Variants in CDH5 observed in about 807,000 individuals in gnomAD.
The protein encoded by CDH5 is cadherin 5.
A neutral mutation model predicts 62.0 loss-of-function variants in CDH5; 28 were observed. The ratio of observed to expected loss-of-function variants is 0.45; its 90% CI spans 0.33 to 0.62. The LOEUF (loss-of-function observed/expected upper bound fraction) is 0.62. Ranked by LOEUF, CDH5 falls within the 20% of genes least tolerant of loss-of-function variation. CDH5 has a pLI of 0.02. For synonymous variants in CDH5, 464 were observed against 445.8 expected, an observed-to-expected ratio of 1.04 and a Z score of -0.52; for missense variants, 940 against 1,065.1, an observed-to-expected ratio of 0.88 and a Z score of 1.63.
rs1194824711 is a variant in CDH5, at chr16:66,402,696, G to A, written c.1882G>A (p.Ala628Thr). ...IFLRRRLRKQARAHGKSVPEI... is the reference protein window; with the variant it reads ...IFLRRRLRKQTRAHGKSVPEI... ...CCTGCGGCGGCGGCTCCGGAAGCAGGCCCGCGCGCACGGCAAGAGCGTGCC... is the reference window on the plus strand; with the variant it reads ...CCTGCGGCGGCGGCTCCGGAAGCAGACCCGCGCGCACGGCAAGAGCGTGCC... The change falls in exon 12 of 12, where the codon GCC (alanine) becomes ACC (threonine). Residue 628 changes from alanine to threonine, a missense_variant. Transcript: ENST00000341529. 3 of 1,608,164 alleles carry A rather than the reference G, an allele frequency of 1.9e-6. No individual in the cohort carries two copies. The highest frequency in any genetic ancestry group is 2.5e-6 in the Non-Finnish European group (3 of 1,178,694).
At position 66,397,128 on chromosome 16, in the gene CDH5, A is replaced by G. The variant is rs932112416; in HGVS notation, c.1361-854A>G. Among the ~76,000 whole-genome samples the G allele has an allele frequency of 4.6e-5, 7 of 152,338 alleles. No homozygotes were observed. In the South Asian group the frequency reaches 1.4e-3, roughly 32 times the overall value. On this transcript the variant is annotated intron_variant, in intron 8 of 11. Coordinates refer to ENST00000341529, the MANE Select transcript of CDH5 (RefSeq NM_001795.5). ...TTTTTATACATATTTTTATACTTACATGAGATTGTAATGTTTGTGTAAGAT... is the reference window on the plus strand; with the variant it reads ...TTTTTATACATATTTTTATACTTACGTGAGATTGTAATGTTTGTGTAAGAT...
At chr16:66,377,762 ATAGAGT>A (rs1960811172) in intron 1 of CDH5, 1 of 152,138 alleles carries the variant, frequency 6.6e-6, no homozygotes, top group African/African-American at 2.4e-5. Flanking sequence ...GGGTGGAGAG[ATAGAGT>A]CAGGGCTGAG....
At chr16:66,388,191 A>C in intron 3 of CDH5, 133 bp from the exon 4 acceptor site, 2 of 648,604 alleles carry the variant, frequency 3.1e-6, no homozygotes, top group Non-Finnish European at 2.7e-6. Context: ...CAGAAAACAA[A>C]ACAGCCTTTT....
chr16:66,402,711 A>G lies in CDH5; in HGVS notation c.1897A>G (p.Lys633Glu). 1 of 1,609,582 alleles carries G rather than the reference A, an allele frequency of 6.2e-7. No homozygotes were observed. Among genetic ancestry groups the G allele is most frequent in the Non-Finnish European group, 8.5e-7 (1 of 1,179,138 alleles). Residue 633 changes from lysine to glutamate, a missense_variant, in exon 12 of 12, where the codon AAG (lysine) becomes GAG (glutamate). Lys to Glu is a moderately conservative substitution (Grantham distance 56). Transcript: ENST00000341529. ...RLRKQARAHGKSVPEIHEQLV... is the reference protein window; with the variant it reads ...RLRKQARAHGESVPEIHEQLV... ...CCGGAAGCAGGCCCGCGCGCACGGC[A>G]AGAGCGTGCCGGAGATCCACGAGCA...
intron 6 of CDH5, among the ~76,000 whole-genome samples, chr16:66,391,638 T>C (rs940578758): frequency 2.0e-5 from 3 of 152,106 alleles, no homozygotes; most frequent in Admixed American, 1.3e-4. Context: ...CTGGGCGTGG[T>C]GGCAGGTGCC....
intron 9 of CDH5, 56 bp downstream of exon 9, chr16:66,398,162 G>T: frequency 6.2e-7 from 1 of 1,604,822 alleles, no homozygotes; most frequent in East Asian, 2.2e-5. Context: ...CAGGCTGGGG[G>T]GCAGAACTGC....
rs562963750 is a variant in CDH5 at position 66,369,167 on chromosome 16, A to G, written c.-20+2409A>G. On this transcript the variant is annotated intron_variant, in intron 1 of 11. Transcript: ENST00000341529. ...CATAGCAAAACAGTCAGATCCTGGC[A>G]GGTCCAGATACTAGAAGGAGGAGGA... Among the ~76,000 whole-genome samples, 8 of 152,352 alleles carry G rather than the reference A, an allele frequency of 5.3e-5. No individual in the cohort carries two copies. The East Asian group carries it at 1.5e-3, about 30-fold the overall frequency.
chr16:66,392,667 A>C, intron 7 of CDH5: 1 of 413,226 alleles, frequency 2.4e-6, no homozygotes, highest in Non-Finnish European at 4.4e-6. Context: ...CACCAGTCCT[A>C]TGTGGTAAGA....
chr16:66,372,800 G>A (rs770872820), intron 1 of CDH5, among the ~76,000 whole-genome samples: 12 of 152,118 alleles, frequency 7.9e-5, no homozygotes, highest in African/African-American at 7.2e-5. Flanking sequence ...TGGGCTCCAC[G>A]CCCACTCACC....
intron 1 of CDH5, among the ~76,000 whole-genome samples, chr16:66,371,356 C>T (rs1162198197): frequency 6.6e-6 from 1 of 152,154 alleles, no homozygotes; most frequent in East Asian, 1.9e-4. Flanking sequence ...ACACCTCCTG[C>T]ATGTTCTAGG....
At chr16:66,370,143 G>A (rs920375437) in intron 1 of CDH5, among the ~76,000 whole-genome samples, 2 of 152,154 alleles carry the variant, frequency 1.3e-5, no homozygotes, top group Non-Finnish European at 2.9e-5. Context: ...TAGGATTACA[G>A]GCATGTGCTA....
intron 7 of CDH5, among the ~76,000 whole-genome samples, chr16:66,393,381 G>T (rs1212771574): frequency 1.3e-5 from 2 of 152,176 alleles, no homozygotes; most frequent in African/African-American, 4.8e-5. Context: ...GGTTTAACAG[G>T]AAGTATAGTG....
At chr16:66,385,281 A>G (rs1005249872) in intron 2 of CDH5, among the ~76,000 whole-genome samples, 1 of 152,232 alleles carries the variant, frequency 6.6e-6, no homozygotes, top group Non-Finnish European at 1.5e-5. Context: ...ATTGATAATT[A>G]TTAGCTAGCA....
intron 3 of CDH5, among the ~76,000 whole-genome samples, chr16:66,387,994 G>A (rs1202538148): frequency 2.0e-5 from 3 of 152,106 alleles, no homozygotes; most frequent in Admixed American, 1.3e-4. Context: ...ACTCCTTTGG[G>A]GGCACCTTTC....
At chr16:66,399,684 G>A (rs914724016) in intron 10 of CDH5, among the ~76,000 whole-genome samples, 63 of 152,178 alleles carry the variant, frequency 4.1e-4, no homozygotes, top group African/African-American at 1.5e-3. Context: ...CCATCTCAGA[G>A]TGGGGATCTG....
chr16:66,371,037 T>A (rs1960678298), intron 1 of CDH5, among the ~76,000 whole-genome samples: 1 of 151,948 alleles, frequency 6.6e-6, no homozygotes. Context: ...CAGAAGCCTA[T>A]CCCAGGGCCA....
intron 2 of CDH5, among the ~76,000 whole-genome samples, chr16:66,386,380 T>C (rs895533140): frequency 6.6e-6 from 1 of 152,096 alleles, no homozygotes; most frequent in African/African-American, 2.4e-5. Context: ...ATTACCCAAA[T>C]AGTGAACATT....
At chr16:66,402,099 C>A (rs1277613268) in intron 11 of CDH5, among the ~76,000 whole-genome samples, 2 of 152,096 alleles carry the variant, frequency 1.3e-5, no homozygotes, top group Non-Finnish European at 2.9e-5. Flanking sequence ...ATAAACAGAG[C>A]AGGGAGGTCA....
At chr16:66,388,507 G>A (rs1281434899) in intron 4 of CDH5, 67 bp downstream of exon 4, 13 of 1,040,380 alleles carry the variant, frequency 1.2e-5, no homozygotes, top group South Asian at 4.0e-5. Flanking sequence ...GATACTCCAG[G>A]TGCATGTGCT....
Sources: gnomAD v4.1 joint callset for allele counts (sites outside exome capture counted in the v4.1 genomes callset) on GRCh38, gnomAD v4.1.1 for gene constraint, MANE v1.5 for transcripts, NCBI Gene and HGNC (gene_info 2026-07-23, HGNC 2026-07-21) for gene names.